Variants in ITGBL1 observed in about 807,000 individuals in gnomAD.
ITGBL1 encodes integrin beta-like protein 1.
ITGBL1 carries 51 observed loss-of-function variants against 68.5 expected under a neutral mutation model. That is an observed-to-expected ratio of 0.74 (90% CI 0.59 to 0.94). The LOEUF is 0.94. Among genes scored for constraint, ITGBL1 ranks in the 40% least tolerant of loss-of-function variants. ITGBL1 has a pLI of 0.00. For missense variants in ITGBL1, 649 were observed against 647.4 expected, an observed-to-expected ratio of 1.00 and a Z score of -0.03; for synonymous variants, 209 against 227.3, an observed-to-expected ratio of 0.92 and a Z score of 0.72.
At chr13:101,676,424 C>G (rs1337287290) in intron 7 of ITGBL1, among the ~76,000 whole-genome samples, 7 of 152,196 alleles carry the variant, frequency 4.6e-5, no homozygotes, top group Admixed American at 3.3e-4. Context: ...GAATGTTTAT[C>G]AATACCTCCT....
chr13:101,510,261 T>C (rs1435241028), intron 2 of ITGBL1, among the ~76,000 whole-genome samples: 1 of 152,164 alleles, frequency 6.6e-6, no homozygotes, highest in African/African-American at 2.4e-5. Flanking sequence ...ACATGTGGTA[T>C]TTGGCTTACT....
chr13:101,517,540 C>G (rs568791909), intron 2 of ITGBL1, among the ~76,000 whole-genome samples: 3 of 152,156 alleles, frequency 2.0e-5, no homozygotes, highest in Non-Finnish European at 4.4e-5. Flanking sequence ...TGTGACTACA[C>G]TATGGGTTGA....
At chr13:101,707,696 CA>C (rs2034292957) in intron 9 of ITGBL1, among the ~76,000 whole-genome samples, 1 of 151,134 alleles carries the variant, frequency 6.6e-6, no homozygotes, top group Non-Finnish European at 1.5e-5. Context: ...AAAAAAAACA[CA>C]AAAAAATTAG....
chr13:101,522,194 A>G (rs1303871360), intron 2 of ITGBL1, among the ~76,000 whole-genome samples: 4 of 152,170 alleles, frequency 2.6e-5, no homozygotes, highest in African/African-American at 9.7e-5. Context: ...TTACAGTCAC[A>G]TGGGAAGTGA....
rs555603502 is a variant in ITGBL1, at chr13:101,582,939, ATAAATTGTT to A, written c.728-275_728-267del. Among the ~76,000 whole-genome samples the A allele has an allele frequency of 3.4e-4, 52 of 152,314 alleles. No individual in the cohort carries two copies. The East Asian group carries it at 7.9e-3, about 23-fold the overall frequency. On this transcript the variant is annotated intron_variant, in intron 5 of 10. Transcript: ENST00000376180. ...CTTGGGGGAAAGGATTATATCTTATATAAATTGTTTTAGTGTTATCTTTGAAGGAAACTA... is the reference window on the plus strand; with the variant it reads ...CTTGGGGGAAAGGATTATATCTTATATTAGTGTTATCTTTGAAGGAAACTA...
chr13:101,453,531 T>G (rs2048192764), intron 1 of ITGBL1, among the ~76,000 whole-genome samples: 1 of 152,192 alleles, frequency 6.6e-6, no homozygotes, highest in African/African-American at 2.4e-5. Flanking sequence ...TGCCGTACCT[T>G]GGATTACTTT....
intron 8 of ITGBL1, among the ~76,000 whole-genome samples, chr13:101,693,624 G>GTCTGTCTATCTA (rs71780453): frequency 0.044 from 6,384 of 146,062 alleles, 164 homozygotes; most frequent in Non-Finnish European, 0.053. Context: ...CTGTCTGTCT[G>GTCTGTCTATCTA]TCTATCTATC....
chr13:101,683,119 A>G (rs981873490), intron 7 of ITGBL1, among the ~76,000 whole-genome samples: 1 of 152,136 alleles, frequency 6.6e-6, no homozygotes, highest in Admixed American at 6.5e-5. Context: ...TAAAGTAATC[A>G]CATGCCCAGA....
intron 2 of ITGBL1, among the ~76,000 whole-genome samples, chr13:101,542,653 G>C (rs2049731530): frequency 6.6e-6 from 1 of 152,074 alleles, no homozygotes. Context: ...GTTGACAGTG[G>C]GGTATTAAAA....
At chr13:101,682,790 A>G (rs1254889115) in intron 7 of ITGBL1, among the ~76,000 whole-genome samples, 1 of 152,012 alleles carries the variant, frequency 6.6e-6, no homozygotes, top group Non-Finnish European at 1.5e-5. Flanking sequence ...TCATTGCTCT[A>G]TAGAAATTGA....
chr13:101,652,713 T>G (rs1254619545), intron 7 of ITGBL1, among the ~76,000 whole-genome samples: 1 of 152,106 alleles, frequency 6.6e-6, no homozygotes, highest in Non-Finnish European at 1.5e-5. Flanking sequence ...TGGAAGAAGG[T>G]TCAAGAAGTG....
At chr13:101,672,811 G>A (rs2033410426) in intron 7 of ITGBL1, among the ~76,000 whole-genome samples, 2 of 152,132 alleles carry the variant, frequency 1.3e-5, no homozygotes, top group Admixed American at 6.5e-5. Context: ...CCATGTGTGC[G>A]TGTCCATGTT....
intron 2 of ITGBL1, among the ~76,000 whole-genome samples, chr13:101,565,126 G>A (rs1304818433): frequency 6.6e-6 from 1 of 151,926 alleles, no homozygotes; most frequent in Non-Finnish European, 1.5e-5. Context: ...CAAGTTTGTG[G>A]TGCTTTGTTA....
At chr13:101,665,118 A>G (rs1159766438) in intron 7 of ITGBL1, among the ~76,000 whole-genome samples, 1 of 152,128 alleles carries the variant, frequency 6.6e-6, no homozygotes, top group Non-Finnish European at 1.5e-5. Flanking sequence ...TTTCTCAGCA[A>G]GGCTTTGGCT....
intron 7 of ITGBL1, among the ~76,000 whole-genome samples, chr13:101,637,482 T>C (rs1196421916): frequency 1.3e-5 from 2 of 151,830 alleles, no homozygotes; most frequent in Non-Finnish European, 2.9e-5. Flanking sequence ...TAGCTGGGAC[T>C]ACAGGCACGT....
At chr13:101,644,631 AG>A (rs1350034682) in intron 7 of ITGBL1, among the ~76,000 whole-genome samples, 2 of 152,242 alleles carry the variant, frequency 1.3e-5, no homozygotes, top group African/African-American at 4.8e-5. Flanking sequence ...ATACTTGAAA[AG>A]CAAAGTCATC....
intron 7 of ITGBL1, among the ~76,000 whole-genome samples, chr13:101,679,901 A>G (rs2033601465): frequency 6.6e-6 from 1 of 152,180 alleles, no homozygotes; most frequent in African/African-American, 2.4e-5. Flanking sequence ...TTAGTACAGA[A>G]TTTGCTTAAA....
chr13:101,523,619 A>G (rs1174585595), intron 2 of ITGBL1, among the ~76,000 whole-genome samples: 2 of 152,182 alleles, frequency 1.3e-5, no homozygotes, highest in African/African-American at 4.8e-5. Context: ...CGTCAAAACT[A>G]AAGATGTTGC....
intron 2 of ITGBL1, among the ~76,000 whole-genome samples, chr13:101,459,198 C>T (rs2048284969): frequency 2.6e-5 from 4 of 152,142 alleles, no homozygotes; most frequent in Admixed American, 2.6e-4. Context: ...ATTCTGATTT[C>T]ATTGGCCACC....
Sources: gnomAD v4.1 joint callset for allele counts (sites outside exome capture counted in the v4.1 genomes callset) on GRCh38, gnomAD v4.1.1 for gene constraint, MANE v1.5 for transcripts, NCBI Gene and HGNC (gene_info 2026-07-23, HGNC 2026-07-21) for gene names.